Variants in INCENP observed in about 807,000 individuals in gnomAD.
INCENP encodes the protein binds and activates aurora-B and -C in vivo and in vitro.
Under a neutral mutation model 107.3 loss-of-function variants are expected in INCENP, and 43 were observed. That is an observed-to-expected ratio of 0.40 (90% confidence interval 0.31 to 0.52). INCENP has a LOEUF of 0.52. Ranked by LOEUF, INCENP falls within the 20% of genes least tolerant of loss-of-function variation. The pLI is 0.53. For missense variants in INCENP, 1,089 were observed against 1,250.9 expected (o/e 0.87, Z 1.95); for synonymous variants, 488 against 494.4 (o/e 0.99, Z 0.17).
rs148024507 is a variant in INCENP, at chr11:62,138,992, T to C, written c.1278T>C (p.Ser426=). The change falls in exon 7 of 19, where the codon TCT becomes TCC. Residue 426 remains serine, a synonymous_variant. Coordinates refer to ENST00000394818, the MANE Select transcript of INCENP (RefSeq NM_001040694.2). The part of the protein sequence containing the change: ...KPAASSPETP[S]AGQQEAKTDQ... Reference sequence around the variant, plus strand: ...CAGCCAGCAGCCCGGAAACACCCTCTGCAGGGCAGCAAGGTGAGGCTTCCT... The same window carrying C: ...CAGCCAGCAGCCCGGAAACACCCTCCGCAGGGCAGCAAGGTGAGGCTTCCT... 2.4e-5 allele frequency: 39 copies of C among 1,613,238 alleles called. No homozygotes were observed. Among genetic ancestry groups the C allele is most frequent in the Admixed American group, 6.7e-5 (4 of 60,010 alleles).
At chr11:62,148,348 C>T (rs1590629372) in intron 15 of INCENP, 128 bp from the exon 16 acceptor site, 2 of 811,330 alleles carry the variant, frequency 2.5e-6, no homozygotes, top group East Asian at 5.4e-5. Context: ...AAGCTGGTTG[C>T]CCATTCAGCA....
chr11:62,128,583 C>T (rs1045016779), intron 2 of INCENP, among the ~76,000 whole-genome samples, 187 bp from the exon 3 acceptor site: 24 of 152,234 alleles, frequency 1.6e-4, no homozygotes, highest in South Asian at 8.3e-4. Flanking sequence ...GCTTCCCTGC[C>T]GTGTCTCCAG....
intron 4 of INCENP, among the ~76,000 whole-genome samples, chr11:62,132,345 G>T (rs187008416): frequency 6.6e-6 from 1 of 152,200 alleles, no homozygotes; most frequent in African/African-American, 2.4e-5. Flanking sequence ...GTGCAAGGCC[G>T]CAGGGCAGGG....
At chr11:62,128,430 T>A in intron 2 of INCENP, 129 bp downstream of exon 2, 1 of 984,746 alleles carries the variant, frequency 1.0e-6, no homozygotes, top group Non-Finnish European at 1.5e-6. Flanking sequence ...CTCCCTGCTG[T>A]ATACTGTGTG....
chr11:62,131,469 G>A (rs1335432583), intron 4 of INCENP, among the ~76,000 whole-genome samples: 1 of 152,200 alleles, frequency 6.6e-6, no homozygotes, highest in Non-Finnish European at 1.5e-5. Flanking sequence ...GGCTGCATGA[G>A]GAGGTGAATC....
rs1253941444 is a variant in INCENP at position 62,148,506 on chromosome 11, G to A, written c.2235G>A (p.Arg745=). ...TGCAGGAGCGGGAGAAGGCCCTGCG[G>A]CTGCAGAAGGAGCAGCTGCAGAGGG... ...RELQEREKAL[R]LQKEQLQREL... The change falls in exon 16 of 19, where the codon CGG becomes CGA. Residue 745 remains arginine, a synonymous_variant. Coordinates refer to ENST00000394818, the MANE Select transcript of INCENP (RefSeq NM_001040694.2). 6.2e-7 allele frequency: 1 copy of A among 1,608,116 alleles called. No homozygotes were observed. Among genetic ancestry groups the A allele is most frequent in the Non-Finnish European group, 8.5e-7 (1 of 1,178,108 alleles).
rs1944215654 is a variant in INCENP, at chr11:62,145,208, C to T, written c.1755C>T (p.Arg585=). ...GCCTCCGCAAGGTGCTGCAGGCCCGCGAGCGGGTGGAGCAGATGAAGGAGG... is the reference window on the plus strand; with the variant it reads ...GCCTCCGCAAGGTGCTGCAGGCCCGTGAGCGGGTGGAGCAGATGAAGGAGG... The part of the protein sequence containing the change: ...EERLRKVLQA[R]ERVEQMKEEK... Residue 585 remains arginine, a synonymous_variant, in exon 13 of 19, where the codon CGC becomes CGT. Coordinates refer to ENST00000394818, the MANE Select transcript of INCENP (RefSeq NM_001040694.2). 8 of 1,614,072 alleles carry T rather than the reference C, an allele frequency of 5.0e-6. No individual in the cohort carries two copies. Among genetic ancestry groups the T allele is most frequent in the Non-Finnish European group, 6.8e-6 (8 of 1,180,018 alleles).
In INCENP at chr11:62,130,259, G is replaced by A. The variant is rs151096237; in HGVS notation, c.732G>A (p.Lys244=). 7 of 1,613,154 alleles carry A rather than the reference G, an allele frequency of 4.3e-6. No homozygotes were observed. The highest frequency in any genetic ancestry group is 4.0e-5 in the African/African-American group (3 of 74,916). The part of the protein sequence containing the change: ...SSLMATPQDP[K]GQGVGTGRSA... Reference sequence around the variant, plus strand: ...TGATGGCTACACCCCAGGACCCCAAGGGTCAAGGGGTCGGGACGGGGCGGT... The same window carrying A: ...TGATGGCTACACCCCAGGACCCCAAAGGTCAAGGGGTCGGGACGGGGCGGT... Residue 244 remains lysine (K), a synonymous_variant, in exon 4 of 19, where the codon AAG becomes AAA. Transcript: ENST00000394818.
intron 6 of INCENP, 47 bp from the exon 7 acceptor site, chr11:62,138,841 C>T: frequency 6.2e-7 from 1 of 1,604,066 alleles, no homozygotes. Context: ...CCATCCTGGG[C>T]CTTGGGTTCC....
In INCENP at chr11:62,140,989, G is replaced by T. The variant is rs749966646; in HGVS notation, c.1538G>T (p.Arg513Leu). The T allele has an allele frequency of 2.5e-6, 4 of 1,614,098 alleles. No homozygotes were observed. The highest frequency in any genetic ancestry group is 1.3e-5 in the African/African-American group (1 of 74,940). The change falls in exon 10 of 19, where the codon CGC (arginine) becomes CTC (leucine). Residue 513 changes from arginine to leucine, a missense_variant. Transcript: ENST00000394818. ...QMLMTPTSAP[R>L]SVMKSFIKRN... ...CTCATGACCCCGACCTCAGCCCCAC[G>T]CAGCGTCATGAAGTCCTTTATTAAG...
At position 62,152,903 on chromosome 11, in the gene INCENP, A is replaced by G. The variant is rs1053955357; in HGVS notation, c.*927A>G. On this transcript the variant is annotated 3_prime_UTR_variant, in exon 19 of 19. Coordinates refer to ENST00000394818, the MANE Select transcript of INCENP (RefSeq NM_001040694.2). ...CTGCCTACTGCTGCCTTCTGAATGCATATATCTGCTACTGTAGCCCCGGGT... is the reference window on the plus strand; with the variant it reads ...CTGCCTACTGCTGCCTTCTGAATGCGTATATCTGCTACTGTAGCCCCGGGT... 2.0e-5 allele frequency: 3 copies of G among 152,236 alleles called. No individual in the cohort carries two copies. The highest frequency in any genetic ancestry group is 2.1e-4 in the South Asian group (1 of 4,828). 9.4% of individuals were successfully genotyped at this position (152,236 alleles called of 1,614,324 possible). A position where few individuals can be genotyped will look rare whatever the true frequency, so the allele number is the denominator to read the frequency against.
At chr11:62,141,734 T>C (rs2134657445) in intron 11 of INCENP, 1 of 636,968 alleles carries the variant, frequency 1.6e-6, no homozygotes, top group South Asian at 1.8e-5. Flanking sequence ...GACTCTGCTC[T>C]TAGGAGGAAG....
At chr11:62,130,725 C>A in intron 4 of INCENP, 135 bp downstream of exon 4, 1 of 738,332 alleles carries the variant, frequency 1.4e-6, no homozygotes, top group Non-Finnish European at 2.2e-6. Flanking sequence ...TCTGTGCTGT[C>A]CTGGGATGGT....
chr11:62,150,988 G>A (rs1944360933), intron 18 of INCENP, among the ~76,000 whole-genome samples: 1 of 152,224 alleles, frequency 6.6e-6, no homozygotes, highest in African/African-American at 2.4e-5. Context: ...ACAGTAACTG[G>A]CATGTGCTTT....
In INCENP at chr11:62,152,241, G is replaced by A. The variant is rs1352703490; in HGVS notation, c.*265G>A. The A allele has an allele frequency of 1.7e-5, 9 of 514,394 alleles. No individual in the cohort carries two copies. The allele number at this position is 514,394 out of a possible 1,614,324, so 31.9% of individuals were successfully genotyped here. A position where few individuals can be genotyped will look rare whatever the true frequency, so the allele number is the denominator to read the frequency against. ...GCCTGCAGACAGTGCTCTGTAAATA[G>A]TTGTTTTAATTTAGCTGAATGTTAG... On this transcript the variant is annotated 3_prime_UTR_variant, in exon 19 of 19. Transcript: ENST00000394818.
Position 62,130,310 on chromosome 11 carries a change from G to A in INCENP, c.783G>A (p.Gln261=). The stretch of plus-strand genomic sequence containing the variant: ...CTGCGTCTAAGCTCAGGATTGCGCA[G>A]GTCTCCCCTGGCCCACGGGACTCGC... ...GRSASKLRIA[Q]VSPGPRDSPA... is the part of the protein sequence containing the mutation. The change falls in exon 4 of 19, where the codon CAG becomes CAA. Residue 261 remains glutamine (Q), a synonymous_variant. Coordinates refer to ENST00000394818, the MANE Select transcript of INCENP (RefSeq NM_001040694.2). 5.6e-6 allele frequency: 9 copies of A among 1,611,594 alleles called. 1 individual carries two copies. In the South Asian group the frequency reaches 9.9e-5, roughly 18 times the overall value.
chr11:62,152,042 T>TAC lies in INCENP; in HGVS notation c.*66_*67insAC, dbSNP rs1944387667. ...ATGTCTATCTGTCTGTCTGTCGGTCTCTGTCTTGGTCTGTTGCCCTCCTTC... is the reference window on the plus strand; with the variant it reads ...ATGTCTATCTGTCTGTCTGTCGGTCTACCTGTCTTGGTCTGTTGCCCTCCTTC... On this transcript the variant is annotated 3_prime_UTR_variant, in exon 19 of 19. Coordinates refer to ENST00000394818, the MANE Select transcript of INCENP (RefSeq NM_001040694.2). The TAC allele has an allele frequency of 4.0e-6, 5 of 1,258,468 alleles. No individual in the cohort carries two copies. The highest frequency in any genetic ancestry group is 5.6e-6 in the Non-Finnish European group (5 of 895,406). The allele number at this position is 1,258,468 out of a possible 1,614,324, so 78.0% of individuals were successfully genotyped here.
chr11:62,130,681 A>G (rs1485723864), intron 4 of INCENP, 91 bp downstream of exon 4: 2 of 1,184,646 alleles, frequency 1.7e-6, no homozygotes, highest in African/African-American at 1.5e-5. Flanking sequence ...GGAGCTGTCC[A>G]GAGAGCTTTC....
intron 4 of INCENP, among the ~76,000 whole-genome samples, chr11:62,131,926 C>T (rs1792940): frequency 0.53 from 80,277 of 151,796 alleles, 23,688 homozygotes; most frequent in Non-Finnish European, 0.68. Flanking sequence ...GGATTACAAG[C>T]GCCCGCCATC....
Sources: allele counts gnomAD v4.1 joint callset (sites outside exome capture counted in the v4.1 genomes callset), GRCh38; gene constraint gnomAD v4.1.1; transcripts MANE v1.5; gene names NCBI Gene and HGNC (gene_info 2026-07-23, HGNC 2026-07-21).